NRG1: variants seen among roughly 807,000 people sequenced by gnomAD.
The protein encoded by NRG1 is pro-neuregulin-1, membrane-bound isoform.
NRG1 carries 18 observed loss-of-function variants against 63.8 expected under a neutral mutation model. The observed-to-expected ratio is 0.28, with a 90% CI of 0.19 to 0.42. NRG1 has a LOEUF of 0.42. Ranked by LOEUF, NRG1 falls within the 10% of genes least tolerant of loss-of-function variation. The pLI, the probability that NRG1 is intolerant of heterozygous loss-of-function variation, is 1.00. For synonymous variants in NRG1, 302 were observed against 301.3 expected, an observed-to-expected ratio of 1.00 and a Z score of -0.02; for missense variants, 762 against 814.7, an observed-to-expected ratio of 0.94 and a Z score of 0.79.
At chr8:32,697,193 A>G (rs929721160) in intron 5 of NRG1, among the ~76,000 whole-genome samples, 2 of 152,222 alleles carry the variant, frequency 1.3e-5, no homozygotes, top group African/African-American at 2.4e-5. Flanking sequence ...AGCTTGAGTC[A>G]GCTATTCTGT....
intron 1 of NRG1, among the ~76,000 whole-genome samples, chr8:32,214,585 G>A (rs1845024438): frequency 6.6e-6 from 1 of 152,116 alleles, no homozygotes; most frequent in Non-Finnish European, 1.5e-5. Context: ...CGAGGCTGCA[G>A]TGAGCTGTGA....
chr8:32,598,229 A>T (rs554462015), intron 2 of NRG1, among the ~76,000 whole-genome samples: 30 of 152,008 alleles, frequency 2.0e-4, no homozygotes, highest in Non-Finnish European at 4.3e-4. Context: ...ATGTATTGAA[A>T]CACTGTTAGA....
intron 1 of NRG1, among the ~76,000 whole-genome samples, chr8:32,417,658 C>T (rs1199126907): frequency 7.4e-6 from 1 of 134,510 alleles, no homozygotes; most frequent in Non-Finnish European, 1.5e-5. Flanking sequence ...TCTTTTCAAA[C>T]TTTCTTTTTG....
intron 1 of NRG1, among the ~76,000 whole-genome samples, chr8:32,039,606 G>T (rs1433456443): frequency 6.6e-6 from 1 of 152,084 alleles, no homozygotes; most frequent in African/African-American, 2.4e-5. Flanking sequence ...TCAACATGGG[G>T]GCTTGTCAGA....
At chr8:32,564,935 T>C (rs900266777) in intron 1 of NRG1, among the ~76,000 whole-genome samples, 2 of 152,032 alleles carry the variant, frequency 1.3e-5, no homozygotes, top group Non-Finnish European at 1.5e-5. Context: ...CCAGTTATAA[T>C]GGTGCACATG....
rs1471244267 is a variant in NRG1, at chr8:31,925,534, C to T, written c.37+286103C>T. On this transcript the variant is annotated intron_variant, in intron 1 of 10. Coordinates refer to the NRG1 transcript ENST00000519301. ...TTATCAAGTTTTGTAAATACTTGGCCTGGATATACTCAAATATTTCTTTTA... is the reference window on the plus strand; with the variant it reads ...TTATCAAGTTTTGTAAATACTTGGCTTGGATATACTCAAATATTTCTTTTA... Among the ~76,000 whole-genome samples the T allele has an allele frequency of 2.0e-5, 3 of 152,140 alleles. No individual in the cohort carries two copies. The East Asian group carries it at 5.8e-4, about 29-fold the overall frequency.
chr8:32,383,542 A>C, intron 1 of NRG1, among the ~76,000 whole-genome samples: 1 of 152,208 alleles, frequency 6.6e-6, no homozygotes, highest in East Asian at 1.9e-4. Flanking sequence ...AGAAGTATCT[A>C]AATGAAGACA....
chr8:32,463,950 A>T, intron 1 of NRG1, among the ~76,000 whole-genome samples: 1 of 115,320 alleles, frequency 8.7e-6, no homozygotes, highest in Non-Finnish European at 1.6e-5. Flanking sequence ...GCTGGAGTGC[A>T]GTGGCGATCT....
intron 5 of NRG1, among the ~76,000 whole-genome samples, chr8:32,684,492 T>C (rs1226699248): frequency 6.6e-6 from 1 of 152,252 alleles, no homozygotes; most frequent in East Asian, 1.9e-4. Context: ...TTTGTGTTGA[T>C]AAATTATTTA....
chr8:32,573,783 C>T lies in NRG1; in HGVS notation c.101-22045C>T, dbSNP rs576077645. 1.5e-4 allele frequency among the ~76,000 whole-genome samples: 23 copies of T among 152,144 alleles called. 1 individual carries two copies. The highest frequency in any genetic ancestry group is 5.5e-4 in the African/African-American group (23 of 41,500). ...CGTCATTTAGCATTAGGTATATCTC[C>T]TAATGCTATCCCTCCCCGCTCCTCC... On this transcript the variant is annotated intron_variant, in intron 1 of 11. Coordinates refer to ENST00000356819, the Ensembl canonical transcript of NRG1.
intron 1 of NRG1, among the ~76,000 whole-genome samples, chr8:32,317,232 T>C (rs1438648869): frequency 6.6e-6 from 1 of 152,210 alleles, no homozygotes; most frequent in Non-Finnish European, 1.5e-5. Flanking sequence ...GGGAACATCT[T>C]GCTTTTGAAG....
At chr8:32,156,671 C>T (rs1189947940) in intron 1 of NRG1, among the ~76,000 whole-genome samples, 4 of 152,222 alleles carry the variant, frequency 2.6e-5, no homozygotes, top group Non-Finnish European at 4.4e-5. Context: ...ATAAAGCTGG[C>T]AAGCACTGAT....
At chr8:32,236,089 C>T (rs1212631818) in intron 1 of NRG1, among the ~76,000 whole-genome samples, 2 of 151,792 alleles carry the variant, frequency 1.3e-5, no homozygotes, top group Non-Finnish European at 2.9e-5. Flanking sequence ...AATCCTGTTT[C>T]CCACCATAAG....
chr8:31,871,429 C>T (rs1829476499), intron 1 of NRG1, among the ~76,000 whole-genome samples: 1 of 152,180 alleles, frequency 6.6e-6, no homozygotes, highest in South Asian at 2.1e-4. Context: ...CTTAGTCTCG[C>T]TTTCCCACTA....
intron 1 of NRG1, among the ~76,000 whole-genome samples, chr8:32,423,079 T>A (rs1227179191): frequency 6.6e-6 from 1 of 152,200 alleles, no homozygotes; most frequent in Non-Finnish European, 1.5e-5. Context: ...AACCCTATGC[T>A]CTAGAGGAGC....
At chr8:32,173,511 G>T (rs925831302) in intron 1 of NRG1, among the ~76,000 whole-genome samples, 2 of 152,048 alleles carry the variant, frequency 1.3e-5, no homozygotes, top group Non-Finnish European at 2.9e-5. Context: ...AAATGTAAAT[G>T]GGCTAAATGC....
intron 5 of NRG1, among the ~76,000 whole-genome samples, chr8:32,664,841 C>T (rs1011727722): frequency 6.6e-6 from 1 of 152,122 alleles, no homozygotes; most frequent in Non-Finnish European, 1.5e-5. Context: ...CAACCTCATA[C>T]ATTTATTCAA....
chr8:31,994,132 A>G (rs1229570091), intron 1 of NRG1, among the ~76,000 whole-genome samples: 1 of 152,012 alleles, frequency 6.6e-6, no homozygotes, highest in East Asian at 1.9e-4. Context: ...TAATTCTAAT[A>G]GCTCTTATAC....
chr8:32,646,871 G>A lies in NRG1; in HGVS notation c.502+29986G>A, dbSNP rs1474667076. 3 of 985,024 alleles carry A rather than the reference G, an allele frequency of 3.0e-6. No individual in the cohort carries two copies. In the African/African-American group the frequency reaches 5.3e-5, roughly 17 times the overall value. The allele number at this position is 985,024 out of a possible 1,614,324, so 61.0% of individuals were successfully genotyped here. A position where few individuals can be genotyped will look rare whatever the true frequency, so the allele number is the denominator to read the frequency against. On this transcript the variant is annotated intron_variant, in intron 5 of 11. Coordinates refer to ENST00000356819, the Ensembl canonical transcript of NRG1. ...AGACCAGCCTGCAGCTCTAGAGTGT[G>A]GGTAGAGAGCGGGGAGTGGGGGTTG... is the stretch of plus-strand genomic sequence containing the variant.
Sources: allele counts gnomAD v4.1 joint callset (sites outside exome capture counted in the v4.1 genomes callset), GRCh38; gene constraint gnomAD v4.1.1; transcripts MANE v1.5; gene names NCBI Gene and HGNC (gene_info 2026-07-23, HGNC 2026-07-21).